The following LIN28A variants were observed in gnomAD, a reference collection of about 807,000 sequenced individuals.
The protein encoded by LIN28A is protein lin-28 homolog A.
LIN28A carries 11 observed loss-of-function variants against 21.1 expected under a neutral mutation model. The ratio of observed to expected loss-of-function variants is 0.52; its 90% confidence interval spans 0.33 to 0.86. The LOEUF (loss-of-function observed/expected upper bound fraction) is 0.86, where lower values mean the gene tolerates loss of function less well. LIN28A is among the 40% of genes least tolerant of loss of function. The pLI, the probability that LIN28A is intolerant of heterozygous loss-of-function variation, is 0.03. For synonymous variants in LIN28A, 111 were observed against 108.7 expected (o/e 1.02, Z -0.13); for missense variants, 219 against 279.8 (o/e 0.78, Z 1.55).
Position 26,411,386 on chromosome 1 carries a change from G to A in LIN28A, c.32G>A (p.Gly11Asp), listed in dbSNP as rs1219153789. 1 of 1,589,920 alleles carries A rather than the reference G, an allele frequency of 6.3e-7. No homozygotes were observed. ...AGTGCCCGGCCCTCCCTCTCTCCAG[G>A]TGGCTGCGCCAAGGCGGCAGAAGAG... is the stretch of plus-strand genomic sequence containing the variant. MGSVSNQQFA[G>D]GCAKAAEEAP... is the part of the protein sequence containing the mutation. The change falls in exon 2 of 4, where the codon GGT becomes GAT. Residue 11 changes from glycine (G) to aspartate (D), a missense_variant and splice_region_variant. By Grantham distance (94) the Gly-to-Asp change is moderately conservative (BLOSUM62 -1). Transcript: ENST00000326279. This position sits in a 1 kb window ranked among gnomAD's most constrained non-coding sequence, Gnocchi z 5.4.
At chr1:26,422,237 T>A (rs983423292) in intron 2 of LIN28A, among the ~76,000 whole-genome samples, 15 of 151,986 alleles carry the variant, frequency 9.9e-5, no homozygotes, top group Non-Finnish European at 2.1e-4. Flanking sequence ...CTCGAATTCC[T>A]GGGCTCAAGC....
intron 2 of LIN28A, among the ~76,000 whole-genome samples, chr1:26,418,019 T>C (rs1259141034): frequency 1.1e-4 from 16 of 151,978 alleles, no homozygotes; most frequent in South Asian, 8.3e-4. Flanking sequence ...TTTTTTTCTC[T>C]TCATACTTTT....
At chr1:26,416,752 G>A (rs2124289754) in intron 2 of LIN28A, among the ~76,000 whole-genome samples, 1 of 152,178 alleles carries the variant, frequency 6.6e-6, no homozygotes, top group East Asian at 1.9e-4. Flanking sequence ...CGAGTAGCTG[G>A]GATTAGAGGC....
chr1:26,426,098 C>T, intron 3 of LIN28A, 144 bp from the exon 4 acceptor site: 1 of 630,928 alleles, frequency 1.6e-6, no homozygotes, highest in South Asian at 1.9e-5. Flanking sequence ...AGTAATAGTC[C>T]TCCTTTTGCA....
rs763514579 is a variant in LIN28A, at chr1:26,410,866, C to A, written c.-26C>A. 6.2e-7 allele frequency: 1 copy of A among 1,612,136 alleles called. No homozygotes were observed. Among genetic ancestry groups the A allele is most frequent in the Non-Finnish European group, 8.5e-7 (1 of 1,179,266 alleles). On this transcript the variant is annotated 5_prime_UTR_variant, in exon 1 of 4. Transcript: ENST00000326279. Reference sequence around the variant, plus strand: ...GCCAGCAGCCGCCCGACCAGGGGCCCGGGGCCACGGGCTCAGCCGACGACC... The same window carrying A: ...GCCAGCAGCCGCCCGACCAGGGGCCAGGGGCCACGGGCTCAGCCGACGACC...
intron 2 of LIN28A, among the ~76,000 whole-genome samples, chr1:26,415,414 T>A (rs1326978764): frequency 5.9e-5 from 9 of 152,184 alleles, no homozygotes; most frequent in African/African-American, 1.9e-4. Context: ...CACCTCTGAT[T>A]ACTCACCTCA....
intron 2 of LIN28A, among the ~76,000 whole-genome samples, chr1:26,423,407 CTTTTTCTTTTTTTTTTT>C (rs1489033039): frequency 2.8e-3 from 205 of 72,458 alleles, no homozygotes; most frequent in African/African-American, 0.01. Context: ...CCTTTTTTTT[CTTTTTCTTTTTTTTTTT>C]TTTTTTTTTT....
At chr1:26,424,526 C>A (rs2075046893) in intron 2 of LIN28A, among the ~76,000 whole-genome samples, 4 of 152,208 alleles carry the variant, frequency 2.6e-5, no homozygotes, top group Admixed American at 2.6e-4. Context: ...AGGCGTAAGC[C>A]ACCGTGTGTG....
intron 2 of LIN28A, among the ~76,000 whole-genome samples, chr1:26,423,752 G>GT (rs1343059755): frequency 7.4e-6 from 1 of 135,308 alleles, no homozygotes; most frequent in East Asian, 3.5e-4. Context: ...TCTTGAGTTT[G>GT]TTTTTTTGTT....
Position 26,411,350 on chromosome 1 carries a change from C to A in LIN28A, c.32-36C>A. The A allele has an allele frequency of 2.7e-6, 4 of 1,502,322 alleles. No homozygotes were observed. Among genetic ancestry groups the A allele is most frequent in the Admixed American group, 2.3e-5 (1 of 42,804 alleles). The allele number at this position is 1,502,322 out of a possible 1,614,324, so 93.1% of individuals were successfully genotyped here. A position where few individuals can be genotyped will look rare whatever the true frequency, so the allele number is the denominator to read the frequency against. On this transcript the variant is annotated intron_variant, in intron 1 of 3. Transcript: ENST00000326279. This position sits in a 1 kb window ranked among gnomAD's most constrained non-coding sequence, Gnocchi z 5.4. The stretch of plus-strand genomic sequence containing the variant: ...CCCGAGACGGCCCTCCGATTCCGTG[C>A]CCCCCAGCTAAGTGCCCGGCCCTCC...
chr1:26,426,898 G>GTT lies in LIN28A; in HGVS notation c.*448_*449dup. 5.7e-6 allele frequency: 1 copy of GTT among 176,612 alleles called. No homozygotes were observed. Among genetic ancestry groups the GTT allele is most frequent in the South Asian group, 1.3e-4 (1 of 7,786 alleles). The allele number at this position is 176,612 out of a possible 1,614,324, so 10.9% of individuals were successfully genotyped here. A position where few individuals can be genotyped will look rare whatever the true frequency, so the allele number is the denominator to read the frequency against. On this transcript the variant is annotated 3_prime_UTR_variant, in exon 4 of 4. Transcript: ENST00000326279. ...AGGAGATCTCTCAGGAGTAAGCATT[G>GTT]TTTTTTTTTCACATCTTGTATCCTC... is the stretch of plus-strand genomic sequence containing the variant.
rs901944940 is a variant in LIN28A at position 26,426,675 on chromosome 1, G to T, written c.*217G>T. 9.2e-6 allele frequency: 5 copies of T among 540,642 alleles called. No homozygotes were observed. In the African/African-American group the frequency reaches 9.5e-5, roughly 10 times the overall value. The allele number at this position is 540,642 out of a possible 1,614,324, so 33.5% of individuals were successfully genotyped here. Reference sequence around the variant, plus strand: ...TGTCCAAATGCAAGTGAGGGTTCTGGGGGCAACCAGGAGGGGGGAATCACC... The same window carrying T: ...TGTCCAAATGCAAGTGAGGGTTCTGTGGGCAACCAGGAGGGGGGAATCACC... On this transcript the variant is annotated 3_prime_UTR_variant, in exon 4 of 4. Transcript: ENST00000326279.
intron 2 of LIN28A, among the ~76,000 whole-genome samples, chr1:26,412,350 G>A (rs1440982142): frequency 2.0e-5 from 3 of 152,156 alleles, no homozygotes; most frequent in Non-Finnish European, 4.4e-5. Context: ...CTGGCCTCTG[G>A]TCCTATTCTC....
In LIN28A at chr1:26,427,584, G is replaced by A. The variant is rs914538951; in HGVS notation, c.*1126G>A. The stretch of plus-strand genomic sequence containing the variant: ...GTGAAAAGGCCAGAGAGCAAGCCAA[G>A]ATTAGGTGAGGGTTGTCTAATCCTA... On this transcript the variant is annotated 3_prime_UTR_variant, in exon 4 of 4. Coordinates refer to ENST00000326279, the MANE Select transcript of LIN28A (RefSeq NM_024674.6). 6.6e-6 allele frequency: 1 copy of A among 152,420 alleles called. No homozygotes were observed. The highest frequency in any genetic ancestry group is 2.4e-5 in the African/African-American group (1 of 41,448). The allele number at this position is 152,420 out of a possible 1,614,324, so 9.4% of individuals were successfully genotyped here.
chr1:26,416,582 G>A (rs1393535238), intron 2 of LIN28A, among the ~76,000 whole-genome samples: 1 of 152,082 alleles, frequency 6.6e-6, no homozygotes, highest in Non-Finnish European at 1.5e-5. Context: ...AGAATACACA[G>A]TTGATACAGA....
chr1:26,418,275 G>C (rs548083680), intron 2 of LIN28A, among the ~76,000 whole-genome samples: 1 of 152,068 alleles, frequency 6.6e-6, no homozygotes, highest in Non-Finnish European at 1.5e-5. Flanking sequence ...GGGTGGGCGC[G>C]GTGGCTCACG....
chr1:26,426,551 T>C lies in LIN28A; in HGVS notation c.*93T>C, dbSNP rs2075060906. The C allele has an allele frequency of 2.1e-6, 2 of 936,686 alleles. No homozygotes were observed. The highest frequency in any genetic ancestry group is 3.4e-6 in the Non-Finnish European group (2 of 592,586). 58.0% of individuals were successfully genotyped at this position (936,686 alleles called of 1,614,324 possible). A position where few individuals can be genotyped will look rare whatever the true frequency, so the allele number is the denominator to read the frequency against. ...TGGGAATAGGGTGCATTGGGGCTAG[T>C]TGGCACTGCCATGTATCTCAGGCTT... On this transcript the variant is annotated 3_prime_UTR_variant, in exon 4 of 4. Coordinates refer to ENST00000326279, the MANE Select transcript of LIN28A (RefSeq NM_024674.6).
intron 2 of LIN28A, among the ~76,000 whole-genome samples, chr1:26,422,414 ATTTT>A (rs60313858): frequency 3.0e-5 from 4 of 134,896 alleles, no homozygotes; most frequent in Non-Finnish European, 3.3e-5. Flanking sequence ...CAATTGTCCT[ATTTT>A]TTTTTTTTTT....
Position 26,410,855 on chromosome 1 carries a change from G to A in LIN28A, c.-37G>A, listed in dbSNP as rs746706153. On this transcript the variant is annotated 5_prime_UTR_variant, in exon 1 of 4. Coordinates refer to ENST00000326279, the MANE Select transcript of LIN28A (RefSeq NM_024674.6). ...ACTTCTCCGGGGCCAGCAGCCGCCC[G>A]ACCAGGGGCCCGGGGCCACGGGCTC... The A allele has an allele frequency of 1.2e-6, 2 of 1,611,410 alleles. No individual in the cohort carries two copies. Among genetic ancestry groups the A allele is most frequent in the Admixed American group, 1.7e-5 (1 of 59,618 alleles).
Sources: allele counts gnomAD v4.1 joint callset (sites outside exome capture counted in the v4.1 genomes callset), GRCh38; gene constraint gnomAD v4.1.1; non-coding constraint Gnocchi (gnomAD v3.1); transcripts MANE v1.5; gene names NCBI Gene and HGNC (gene_info 2026-07-23, HGNC 2026-07-21).